The following TENM3 variants were observed in gnomAD, a reference collection of about 807,000 sequenced individuals.
TENM3 encodes the protein teneurin transmembrane protein 3.
Under a neutral mutation model 255.1 loss-of-function variants are expected in TENM3, and 63 were observed. That is an observed-to-expected ratio of 0.25 (90% CI 0.20 to 0.30). The LOEUF (loss-of-function observed/expected upper bound fraction) is 0.30. Among genes scored for constraint, TENM3 ranks in the 10% least tolerant of loss-of-function variants. The probability of loss-of-function intolerance (pLI) is 1.00; values close to 1 mark genes in which losing one functional copy is unlikely to be tolerated. For synonymous variants in TENM3, 1,306 were observed against 1,322.3 expected (o/e 0.99, Z 0.27); for missense variants, 2,929 against 3,461.1 (o/e 0.85, Z 3.86).
intron 12 of TENM3, among the ~76,000 whole-genome samples, chr4:182,700,747 T>G (rs1003693786): frequency 1.9e-4 from 29 of 152,176 alleles, no homozygotes; most frequent in Non-Finnish European, 3.5e-4. Flanking sequence ...AATTAGTAAA[T>G]AATTATGTTG....
At chr4:182,130,837 T>C in the TENM3 span, among the ~76,000 whole-genome samples, 2 of 152,164 alleles carry the variant, frequency 1.3e-5, no homozygotes, top group Non-Finnish European at 2.9e-5. Context: ...AAGAAAATAA[T>C]TGGTTAGATA....
the TENM3 span, among the ~76,000 whole-genome samples, chr4:181,803,024 A>C: frequency 0.091 from 13,804 of 152,218 alleles, 716 homozygotes; most frequent in South Asian, 0.15. Flanking sequence ...TTAGAGCACA[A>C]GGGATTAAGA....
chr4:182,303,518 C>T (rs1761961104), intron 1 of TENM3, among the ~76,000 whole-genome samples: 1 of 152,174 alleles, frequency 6.6e-6, no homozygotes, highest in South Asian at 2.1e-4. Context: ...TCCAATGCAA[C>T]TGTGTATACC....
the TENM3 span, among the ~76,000 whole-genome samples, chr4:181,764,844 C>T: frequency 6.6e-6 from 1 of 152,016 alleles, no homozygotes; most frequent in Non-Finnish European, 1.5e-5. Flanking sequence ...GGGCATGCCA[C>T]CAAGCCCGAC....
At chr4:181,900,819 A>G in the TENM3 span, among the ~76,000 whole-genome samples, 1 of 152,178 alleles carries the variant, frequency 6.6e-6, no homozygotes, top group Admixed American at 6.5e-5. Flanking sequence ...AGTATCGTTG[A>G]GAACAGAATT....
chr4:182,304,121 A>T (rs1761996796), intron 1 of TENM3, among the ~76,000 whole-genome samples: 2 of 143,602 alleles, frequency 1.4e-5, no homozygotes, highest in Non-Finnish European at 3.0e-5. Context: ...ATTGGCAAGT[A>T]AAAAAAAAAA....
chr4:182,747,560 T>C (rs1762092651), intron 19 of TENM3, among the ~76,000 whole-genome samples: 1 of 152,332 alleles, frequency 6.6e-6, no homozygotes. Flanking sequence ...CCCTTTAATA[T>C]GTAGTAAGTT....
intron 7 of TENM3, among the ~76,000 whole-genome samples, chr4:182,673,581 A>T (rs2152554405): frequency 6.6e-6 from 1 of 152,314 alleles, no homozygotes; most frequent in South Asian, 2.1e-4. Flanking sequence ...TGCATAACAT[A>T]TTCATCTCTA....
At chr4:182,692,666 A>C (rs565184942) in intron 12 of TENM3, among the ~76,000 whole-genome samples, 5 of 152,344 alleles carry the variant, frequency 3.3e-5, no homozygotes, top group African/African-American at 9.6e-5. Flanking sequence ...TGTTTGTTAG[A>C]TATAATGAAG....
At chr4:181,784,139 C>G in the TENM3 span, among the ~76,000 whole-genome samples, 2 of 149,290 alleles carry the variant, frequency 1.3e-5, no homozygotes, top group Non-Finnish European at 3.0e-5. Context: ...ATTCTTTACT[C>G]TAAATGGAAA....
chr4:181,622,641 A>G, the TENM3 span, among the ~76,000 whole-genome samples: 9 of 152,174 alleles, frequency 5.9e-5, no homozygotes, highest in Non-Finnish European at 1.0e-4. Flanking sequence ...GCGCCACTGT[A>G]CCCCAACCTG....
At chr4:181,795,551 ATGT>A in the TENM3 span, among the ~76,000 whole-genome samples, 7 of 152,190 alleles carry the variant, frequency 4.6e-5, no homozygotes, top group African/African-American at 1.7e-4. Flanking sequence ...CTGATGTGAT[ATGT>A]TGCATTCAGT....
intron 3 of TENM3, among the ~76,000 whole-genome samples, chr4:182,426,753 T>A (rs898410424): frequency 6.6e-6 from 1 of 152,202 alleles, no homozygotes; most frequent in Admixed American, 6.5e-5. Context: ...TAAGGATTTT[T>A]AAATTTGATG....
At chr4:182,739,303 T>G (rs1761422430) in intron 18 of TENM3, among the ~76,000 whole-genome samples, 1 of 152,170 alleles carries the variant, frequency 6.6e-6, no homozygotes, top group African/African-American at 2.4e-5. Flanking sequence ...ATCAAGAATA[T>G]TATTTATATG....
chr4:181,919,918 G>A, the TENM3 span, among the ~76,000 whole-genome samples: 2 of 123,080 alleles, frequency 1.6e-5, no homozygotes, highest in Admixed American at 1.1e-4. Context: ...GGAGTGTGAT[G>A]TTCCCCTTCC....
intron 4 of TENM3, among the ~76,000 whole-genome samples, chr4:182,625,832 T>G (rs1013622045): frequency 6.6e-6 from 1 of 152,204 alleles, no homozygotes; most frequent in African/African-American, 2.4e-5. Context: ...TACGGGCTGC[T>G]GAGCCTCCTG....
chr4:182,670,467 G>A (rs1755107426), intron 6 of TENM3, among the ~76,000 whole-genome samples: 1 of 152,150 alleles, frequency 6.6e-6, no homozygotes. Context: ...TTGCAGCTGT[G>A]TCCTCACTCA....
At chr4:182,494,841 A>G (rs1184773357) in intron 3 of TENM3, among the ~76,000 whole-genome samples, 1 of 152,152 alleles carries the variant, frequency 6.6e-6, no homozygotes, top group Non-Finnish European at 1.5e-5. Flanking sequence ...TCTTTTACCT[A>G]TCCTTTTGGA....
chr4:182,717,915 G>A (rs930164860), intron 13 of TENM3, among the ~76,000 whole-genome samples: 1 of 152,198 alleles, frequency 6.6e-6, no homozygotes, highest in Non-Finnish European at 1.5e-5. Flanking sequence ...AGAGATGGGA[G>A]CTGCTCACTC....
Sources: gnomAD v4.1 joint callset for allele counts (sites outside exome capture counted in the v4.1 genomes callset) on GRCh38, gnomAD v4.1.1 for gene constraint, MANE v1.5 for transcripts, NCBI Gene and HGNC (gene_info 2026-07-23, HGNC 2026-07-21) for gene names.